MAP1B: variants seen among roughly 807,000 people sequenced by gnomAD.
MAP1B encodes microtubule associated protein 1B.
In MAP1B, 12 loss-of-function variants were observed where a neutral mutation model predicts 176.1. That is an observed-to-expected ratio of 0.07 (90% CI 0.04 to 0.11). MAP1B has a LOEUF of 0.11. Among genes scored for constraint, MAP1B ranks in the 10% least tolerant of loss-of-function variants. The probability of loss-of-function intolerance (pLI) is 1.00; values close to 1 mark genes in which losing one functional copy is unlikely to be tolerated. For synonymous variants in MAP1B, 1,044 were observed against 1,135.0 expected (o/e 0.92, Z 1.61); for missense variants, 2,523 against 2,990.5 (o/e 0.84, Z 3.65).
At chr5:72,156,011 C>T (rs1357551200) in intron 2 of MAP1B, among the ~76,000 whole-genome samples, 2 of 152,184 alleles carry the variant, frequency 1.3e-5, no homozygotes, top group African/African-American at 4.8e-5. Flanking sequence ...AGGTGATCCA[C>T]CCGCCTTGGC....
rs757547894 is a variant in MAP1B at position 72,197,027 on chromosome 5, T to C, written c.3672T>C (p.Arg1224=). 2.0e-5 allele frequency: 33 copies of C among 1,614,102 alleles called. No homozygotes were observed. In the Admixed American group the frequency reaches 5.2e-4, roughly 25 times the overall value. ...EEDKFSRSAL[R]DAYCSEVKAS... is the part of the protein sequence containing the mutation. ...ACAAATTCAGCAGATCTGCTTTACGTGATGCTTACTGCTCTGAAGTGAAAG... is the reference window on the plus strand; with the variant it reads ...ACAAATTCAGCAGATCTGCTTTACGCGATGCTTACTGCTCTGAAGTGAAAG... Residue 1224 remains arginine, a synonymous_variant, in exon 5 of 7, where the codon CGT becomes CGC. Transcript: ENST00000296755.
At chr5:72,108,707 G>A (rs1745207683) in intron 1 of MAP1B, among the ~76,000 whole-genome samples, 1 of 152,078 alleles carries the variant, frequency 6.6e-6, no homozygotes, top group African/African-American at 2.4e-5. Flanking sequence ...CGGCGCCCCC[G>A]TCGGGCACGG....
chr5:72,136,821 G>A (rs1353390340), intron 2 of MAP1B, among the ~76,000 whole-genome samples: 1 of 152,102 alleles, frequency 6.6e-6, no homozygotes, highest in Admixed American at 6.6e-5. Flanking sequence ...TGTCCAGAGG[G>A]TGCTAATATG....
intron 2 of MAP1B, among the ~76,000 whole-genome samples, chr5:72,126,966 A>G (rs114084746): frequency 2.8e-3 from 420 of 152,342 alleles, no homozygotes; most frequent in African/African-American, 9.5e-3. Context: ...TTATCTTCAC[A>G]GTGCCAAATA....
In MAP1B at chr5:72,196,789, A is replaced by T; in HGVS notation, c.3434A>T (p.Asp1145Val). Reference sequence around the variant, plus strand: ...TCTACCCCTCGAGACGTGATGAGTGATGAGACCAACAATGAAGAGACGGAG... The same window carrying T: ...TCTACCCCTCGAGACGTGATGAGTGTTGAGACCAACAATGAAGAGACGGAG... The part of the protein sequence containing the change: ...EMSTPRDVMS[D>V]ETNNEETESP... Residue 1145 changes from aspartate (D) to valine (V), a missense_variant, in exon 5 of 7, where the codon GAT (aspartate) becomes GTT (valine). Asp to Val is a radical substitution (Grantham distance 152, BLOSUM62 -3). Coordinates refer to ENST00000296755, the MANE Select transcript of MAP1B (RefSeq NM_005909.5). This position sits in a 1 kb window ranked among gnomAD's most constrained non-coding sequence, Gnocchi z 5.3. 1 of 1,614,158 alleles carries T rather than the reference A, an allele frequency of 6.2e-7. No homozygotes were observed.
chr5:72,154,616 TC>T (rs1260566487), intron 2 of MAP1B, among the ~76,000 whole-genome samples: 5 of 152,076 alleles, frequency 3.3e-5, no homozygotes, highest in Non-Finnish European at 5.9e-5. Context: ...CAAACACAGG[TC>T]CCCTACCAGA....
At chr5:72,107,791 C>G (rs1290384422) in intron 1 of MAP1B, 76 bp downstream of exon 1, 46 of 1,489,350 alleles carry the variant, frequency 3.1e-5, no homozygotes, top group Non-Finnish European at 3.6e-5. Context: ...GCGACGGTCA[C>G]TGCGCTCCTC....
Position 72,135,459 on chromosome 5 carries a change from G to A in MAP1B, c.286+19660G>A, listed in dbSNP as rs563003906. On this transcript the variant is annotated intron_variant, in intron 2 of 6. Coordinates refer to ENST00000296755, the MANE Select transcript of MAP1B (RefSeq NM_005909.5). ...GTGTTTTGCAAGTACAGGTCAGGTAGCCAACTCTTACCAGTCTTGATTTCC... is the reference window on the plus strand; with the variant it reads ...GTGTTTTGCAAGTACAGGTCAGGTAACCAACTCTTACCAGTCTTGATTTCC... Among the ~76,000 whole-genome samples the A allele has an allele frequency of 2.0e-5, 3 of 152,236 alleles. No individual in the cohort carries two copies. The South Asian group carries it at 6.2e-4, about 32-fold the overall frequency.
At chr5:72,180,278 C>T (rs1746739239) in intron 2 of MAP1B, among the ~76,000 whole-genome samples, 1 of 152,212 alleles carries the variant, frequency 6.6e-6, no homozygotes, top group African/African-American at 2.4e-5. Context: ...CCGGACACTG[C>T]ACTGGCTGAT....
chr5:72,156,458 C>T (rs1746230871), intron 2 of MAP1B, among the ~76,000 whole-genome samples: 1 of 152,152 alleles, frequency 6.6e-6, no homozygotes, highest in South Asian at 2.1e-4. Context: ...AATGAAATAG[C>T]ATGGCCACAA....
At chr5:72,179,258 C>T (rs180765706) in intron 2 of MAP1B, among the ~76,000 whole-genome samples, 5 of 152,292 alleles carry the variant, frequency 3.3e-5, no homozygotes, top group Admixed American at 1.3e-4. Flanking sequence ...GTCGAGCCCC[C>T]GCTTTTGCTG....
chr5:72,159,262 A>G (rs571158013), intron 2 of MAP1B, among the ~76,000 whole-genome samples: 2 of 152,344 alleles, frequency 1.3e-5, no homozygotes, highest in East Asian at 3.9e-4. Flanking sequence ...GGTACTGAAA[A>G]AAAACTGTAG....
intron 2 of MAP1B, among the ~76,000 whole-genome samples, chr5:72,175,123 GGT>G (rs1484587834): frequency 6.7e-6 from 1 of 148,914 alleles, no homozygotes; most frequent in Non-Finnish European, 1.5e-5. Context: ...GGAGTGCAGT[GGT>G]GTGATCTCGG....
At chr5:72,187,654 A>T (rs1017925550) in intron 4 of MAP1B, among the ~76,000 whole-genome samples, 1 of 152,090 alleles carries the variant, frequency 6.6e-6, no homozygotes, top group Non-Finnish European at 1.5e-5. Flanking sequence ...TGTCTGTCTC[A>T]TGTGTACTGT....
At chr5:72,162,540 C>T (rs1301748823) in intron 2 of MAP1B, among the ~76,000 whole-genome samples, 1 of 152,042 alleles carries the variant, frequency 6.6e-6, no homozygotes, top group Non-Finnish European at 1.5e-5. Flanking sequence ...AGCTTACTAC[C>T]TGCTCCCTGC....
chr5:72,157,269 C>T (rs1441305769), intron 2 of MAP1B, among the ~76,000 whole-genome samples: 2 of 152,178 alleles, frequency 1.3e-5, no homozygotes, highest in Non-Finnish European at 2.9e-5. Context: ...AATCCCAAGA[C>T]AATCAGCTGA....
intron 2 of MAP1B, among the ~76,000 whole-genome samples, chr5:72,117,234 T>C (rs1311899800): frequency 6.6e-6 from 1 of 152,202 alleles, no homozygotes; most frequent in Non-Finnish European, 1.5e-5. Flanking sequence ...TCTCTTGTTG[T>C]TATTTTATTG....
intron 2 of MAP1B, among the ~76,000 whole-genome samples, chr5:72,164,955 T>G (rs940541605): frequency 6.6e-6 from 1 of 152,224 alleles, no homozygotes; most frequent in Non-Finnish European, 1.5e-5. Flanking sequence ...TTTTTTTCCC[T>G]CTTTTCAACT....
intron 2 of MAP1B, among the ~76,000 whole-genome samples, chr5:72,131,957 T>C (rs73123335): frequency 0.015 from 2,345 of 152,360 alleles, 63 homozygotes; most frequent in African/African-American, 0.053. Flanking sequence ...TTTTCTACCA[T>C]GTTGATTGAT....
Sources: allele counts gnomAD v4.1 joint callset (sites outside exome capture counted in the v4.1 genomes callset), GRCh38; gene constraint gnomAD v4.1.1; non-coding constraint Gnocchi (gnomAD v3.1); transcripts MANE v1.5; gene names NCBI Gene and HGNC (gene_info 2026-07-23, HGNC 2026-07-21).